ZNF804A: variants seen among roughly 807,000 people sequenced by gnomAD.
ZNF804A encodes zinc finger protein 804A.
Under a neutral mutation model 16.5 loss-of-function variants are expected in ZNF804A, and 2 were observed. The ratio of observed to expected loss-of-function variants is 0.12; its 90% CI spans 0.05 to 0.38. The LOEUF (loss-of-function observed/expected upper bound fraction) is 0.38. ZNF804A is among the 10% of genes least tolerant of loss of function. The pLI is 0.99. For synonymous variants in ZNF804A, 534 were observed against 489.6 expected (o/e 1.09, Z -1.20); for missense variants, 1,473 against 1,390.7 (o/e 1.06, Z -0.94).
chr2:184,905,982 G>A (rs1475837297), intron 2 of ZNF804A, among the ~76,000 whole-genome samples: 1 of 152,136 alleles, frequency 6.6e-6, no homozygotes, highest in Non-Finnish European at 1.5e-5. Context: ...GACCTTCAAT[G>A]ATCCATAGTT....
chr2:184,935,882 C>T lies in ZNF804A; in HGVS notation c.486C>T (p.Asn162=). 1 of 1,613,722 alleles carries T rather than the reference C, an allele frequency of 6.2e-7. No individual in the cohort carries two copies. The highest frequency in any genetic ancestry group is 8.5e-7 in the Non-Finnish European group (1 of 1,179,858). The change falls in exon 4 of 4, where the codon AAC becomes AAT. Residue 162 remains asparagine (N), a synonymous_variant. Coordinates refer to ENST00000302277, the MANE Select transcript of ZNF804A (RefSeq NM_194250.2). ...GAGTTGTTGTGGATTCAGTTAATAA[C>T]CAGCAAGATTTCAAATATACTTTGA... ...SQRVVVDSVN[N]QQDFKYTLIH...
In ZNF804A at chr2:184,649,597, T is replaced by G. The variant is rs74949985; in HGVS notation, c.111+50527T>G. Among the ~76,000 whole-genome samples, 1,143 of 151,960 alleles carry G rather than the reference T, an allele frequency of 7.5e-3. 4 individuals carry two copies. Among genetic ancestry groups the G allele is most frequent in the Non-Finnish European group, 0.012 (833 of 67,902 alleles). ...AAAATGACAAAGGTGACATTACAAC[T>G]AATCCTCCAGAAATACAAAAGATCC... On this transcript the variant is annotated intron_variant, in intron 1 of 3. Transcript: ENST00000302277.
At chr2:184,617,315 G>C (rs1691341020) in intron 1 of ZNF804A, among the ~76,000 whole-genome samples, 1 of 151,826 alleles carries the variant, frequency 6.6e-6, no homozygotes, top group African/African-American at 2.4e-5. Context: ...GTAGAAATTA[G>C]GTATAATAAT....
intron 1 of ZNF804A, among the ~76,000 whole-genome samples, chr2:184,603,475 T>G (rs954642696): frequency 1.5e-4 from 23 of 152,202 alleles, no homozygotes; most frequent in African/African-American, 5.5e-4. Flanking sequence ...TTGTTTTAGT[T>G]TTCATTATTG....
intron 1 of ZNF804A, among the ~76,000 whole-genome samples, chr2:184,720,626 A>G (rs949804281): frequency 2.0e-5 from 3 of 152,198 alleles, no homozygotes; most frequent in Non-Finnish European, 4.4e-5. Context: ...ACAAATGGAA[A>G]GATGTCTTAT....
intron 1 of ZNF804A, among the ~76,000 whole-genome samples, chr2:184,840,971 A>G (rs1255498222): frequency 6.6e-6 from 1 of 152,172 alleles, no homozygotes; most frequent in Non-Finnish European, 1.5e-5. Flanking sequence ...TTTCGCCATA[A>G]TGCTGCAAGC....
At chr2:184,612,450 G>C (rs56217599) in intron 1 of ZNF804A, among the ~76,000 whole-genome samples, 5 of 140,896 alleles carry the variant, frequency 3.5e-5, no homozygotes, top group Admixed American at 2.9e-4. Context: ...TTTTTTTTTT[G>C]GGGGGGGGAC....
intron 2 of ZNF804A, among the ~76,000 whole-genome samples, chr2:184,875,339 TTCTC>T (rs2105815182): frequency 6.6e-6 from 1 of 152,298 alleles, no homozygotes; most frequent in South Asian, 2.1e-4. Flanking sequence ...CTTGGTGCCA[TTCTC>T]ATGGCAATGA....
chr2:184,926,634 A>C (rs1299011097), intron 2 of ZNF804A, among the ~76,000 whole-genome samples: 13 of 151,680 alleles, frequency 8.6e-5, no homozygotes, highest in Admixed American at 8.5e-4. Flanking sequence ...AAGGCCAAAA[A>C]CTCTTAGATT....
At chr2:184,760,061 C>A (rs1051109717) in intron 1 of ZNF804A, among the ~76,000 whole-genome samples, 22 of 152,040 alleles carry the variant, frequency 1.4e-4, no homozygotes, top group Admixed American at 5.9e-4. Flanking sequence ...GCAAGGACTG[C>A]CATTTTCACT....
At chr2:184,899,428 G>A (rs1383241636) in intron 2 of ZNF804A, among the ~76,000 whole-genome samples, 1 of 151,918 alleles carries the variant, frequency 6.6e-6, no homozygotes, top group African/African-American at 2.4e-5. Flanking sequence ...TGAAATTTGT[G>A]AATGAATTAG....
chr2:184,878,759 T>G (rs1449296483), intron 2 of ZNF804A, among the ~76,000 whole-genome samples: 1 of 152,024 alleles, frequency 6.6e-6, no homozygotes, highest in Non-Finnish European at 1.5e-5. Flanking sequence ...GTATAGAAAT[T>G]TTTCACCCAA....
intron 1 of ZNF804A, among the ~76,000 whole-genome samples, chr2:184,861,156 A>G (rs7600401): frequency 0.065 from 9,824 of 152,264 alleles, 1,073 homozygotes; most frequent in African/African-American, 0.22. Flanking sequence ...TTGGGGGGAC[A>G]GGACTGGTGT....
rs866122004 is a variant in ZNF804A at position 184,937,155 on chromosome 2, G to T, written c.1759G>T (p.Glu587Ter). The T allele has an allele frequency of 6.2e-7, 1 of 1,604,086 alleles. No individual in the cohort carries two copies. The highest frequency in any genetic ancestry group is 8.5e-7 in the Non-Finnish European group (1 of 1,177,664). The change falls in exon 4 of 4, where the codon GAA becomes TAA. Residue 587 changes from glutamate (E) to a stop codon, truncating the protein, a stop_gained. Transcript: ENST00000302277. LOFTEE classifies it low-confidence loss of function (END_TRUNC). ...CAAAATAAGGTTGAAAGAGACCCAT[G>T]AATACTGGTTCCATAAAAGTAGAAG... ...YNKIRLKETH[E>*]YWFHKSRRKK...
At chr2:184,818,385 C>G (rs1371269822) in intron 1 of ZNF804A, among the ~76,000 whole-genome samples, 1 of 151,934 alleles carries the variant, frequency 6.6e-6, no homozygotes, top group Non-Finnish European at 1.5e-5. Context: ...ACCAGACCTG[C>G]CTTGCAAGAG....
At chr2:184,602,834 C>T (rs1476512147) in intron 1 of ZNF804A, among the ~76,000 whole-genome samples, 1 of 151,984 alleles carries the variant, frequency 6.6e-6, no homozygotes, top group African/African-American at 2.4e-5. Context: ...TTCCTGACTC[C>T]AGACATATTT....
At chr2:184,840,258 C>T (rs1192826988) in intron 1 of ZNF804A, among the ~76,000 whole-genome samples, 1 of 152,132 alleles carries the variant, frequency 6.6e-6, no homozygotes, top group Non-Finnish European at 1.5e-5. Context: ...GACATGGTGG[C>T]ACCCACCTGT....
intron 1 of ZNF804A, among the ~76,000 whole-genome samples, chr2:184,646,523 T>A (rs1691876398): frequency 6.6e-6 from 1 of 152,122 alleles, no homozygotes; most frequent in Non-Finnish European, 1.5e-5. Flanking sequence ...TGTGCAGAGA[T>A]CTTGGTGCAA....
intron 1 of ZNF804A, among the ~76,000 whole-genome samples, chr2:184,771,141 C>A (rs1694205244): frequency 6.6e-6 from 1 of 151,934 alleles, no homozygotes; most frequent in South Asian, 2.1e-4. Context: ...CTGTTGGGCA[C>A]TGGAAACCAG....
Sources: allele counts gnomAD v4.1 joint callset (sites outside exome capture counted in the v4.1 genomes callset), GRCh38; gene constraint gnomAD v4.1.1; transcripts MANE v1.5; gene names NCBI Gene and HGNC (gene_info 2026-07-23, HGNC 2026-07-21).